Variants in PRR11 observed in about 807,000 individuals in gnomAD.
The protein encoded by PRR11 is proline-rich protein 11.
PRR11 carries 30 observed loss-of-function variants against 45.6 expected under a neutral mutation model. The observed-to-expected ratio is 0.66, with a 90% CI of 0.49 to 0.89. The LOEUF is 0.89. Ranked by LOEUF, PRR11 falls within the 40% of genes least tolerant of loss-of-function variation. PRR11 has a pLI of 0.00. For synonymous variants in PRR11, 128 were observed against 153.5 expected, an observed-to-expected ratio of 0.83 and a Z score of 1.23; for missense variants, 373 against 424.8, an observed-to-expected ratio of 0.88 and a Z score of 1.07.
At chr17:59,178,768 A>T (rs1754788113) in intron 2 of PRR11, among the ~76,000 whole-genome samples, 1 of 152,146 alleles carries the variant, frequency 6.6e-6, no homozygotes, top group African/African-American at 2.4e-5. Flanking sequence ...CAGGATGTAG[A>T]GCTGGCAAAA....
chr17:59,160,927 G>C (rs1302053370), intron 1 of PRR11: 1 of 150,974 alleles, frequency 6.6e-6, no homozygotes, highest in Non-Finnish European at 1.5e-5. Context: ...ATACAGTTGG[G>C]ACTCTCACTG....
Position 59,202,018 on chromosome 17 carries a change from T to G in PRR11, c.*387T>G, listed in dbSNP as rs894902645. ...ACCCAAATCCTTTTTTTTAATGTAG[T>G]AGGGTTTATATAGATATACTAATAT... is the stretch of plus-strand genomic sequence containing the variant. On this transcript the variant is annotated 3_prime_UTR_variant, in exon 10 of 10. Coordinates refer to ENST00000262293, the MANE Select transcript of PRR11 (RefSeq NM_018304.4). 2.2e-5 allele frequency: 5 copies of G among 224,668 alleles called. No homozygotes were observed. Among genetic ancestry groups the G allele is most frequent in the African/African-American group, 1.1e-4 (5 of 44,736 alleles). 13.9% of individuals were successfully genotyped at this position (224,668 alleles called of 1,614,324 possible).
At chr17:59,188,514 C>T (rs2147851323) in intron 4 of PRR11, among the ~76,000 whole-genome samples, 1 of 152,234 alleles carries the variant, frequency 6.6e-6, no homozygotes, top group African/African-American at 2.4e-5. Context: ...TAATTTAATA[C>T]ATTATAATCC....
chr17:59,159,040 G>A (rs562554846), intron 1 of PRR11, among the ~76,000 whole-genome samples: 2 of 152,228 alleles, frequency 1.3e-5, no homozygotes, highest in African/African-American at 2.4e-5. Context: ...GGCTGGTCTC[G>A]AACTCCTGAC....
intron 1 of PRR11, among the ~76,000 whole-genome samples, chr17:59,163,848 C>T (rs748886020): frequency 2.0e-5 from 3 of 152,232 alleles, no homozygotes; most frequent in African/African-American, 4.8e-5. Flanking sequence ...TGATGGATCT[C>T]GACGTCAGGA....
Position 59,180,187 on chromosome 17 carries a change from G to C in PRR11, c.129-4867G>C, listed in dbSNP as rs530688671. Reference sequence around the variant, plus strand: ...GCTTTGTCGCCCAGGCTGGAGTGTAGTAGTGCAATCTCGGCTCACTGCAAT... The same window carrying C: ...GCTTTGTCGCCCAGGCTGGAGTGTACTAGTGCAATCTCGGCTCACTGCAAT... On this transcript the variant is annotated intron_variant, in intron 2 of 9. Transcript: ENST00000262293. Among the ~76,000 whole-genome samples the C allele has an allele frequency of 1.7e-3, 240 of 140,692 alleles. 2 individuals carry two copies. The highest frequency in any genetic ancestry group is 2.8e-3 in the Non-Finnish European group (188 of 66,478). The allele number at this position is 140,692 out of a possible 152,430, so 92.3% of individuals were successfully genotyped here.
chr17:59,184,662 G>A (rs960266297), intron 2 of PRR11, among the ~76,000 whole-genome samples: 1 of 152,090 alleles, frequency 6.6e-6, no homozygotes, highest in Non-Finnish European at 1.5e-5. Flanking sequence ...AACCGCCAGA[G>A]CTGGGTGGGT....
At chr17:59,175,827 G>T (rs1294803650) in intron 2 of PRR11, among the ~76,000 whole-genome samples, 1 of 152,184 alleles carries the variant, frequency 6.6e-6, no homozygotes, top group Admixed American at 6.5e-5. Context: ...AGGATCACTG[G>T]AGTACAGGAT....
chr17:59,173,586 G>A (rs1465573282), intron 2 of PRR11, among the ~76,000 whole-genome samples: 2 of 152,166 alleles, frequency 1.3e-5, no homozygotes, highest in Non-Finnish European at 2.9e-5. Flanking sequence ...ACTGAAGCCA[G>A]CAAGACCACG....
intron 2 of PRR11, among the ~76,000 whole-genome samples, chr17:59,173,253 C>T (rs1199732629): frequency 2.6e-5 from 4 of 151,876 alleles, no homozygotes; most frequent in African/African-American, 9.7e-5. Flanking sequence ...ACAGACCAAT[C>T]GGCTCTCTGT....
chr17:59,165,339 G>GTGTT (rs1307677894), intron 1 of PRR11, among the ~76,000 whole-genome samples: 1 of 151,872 alleles, frequency 6.6e-6, no homozygotes, highest in Non-Finnish European at 1.5e-5. Context: ...GTTTGTTTAT[G>GTGTT]TGTTTGTTTG....
rs531399601 is a variant in PRR11 at position 59,174,631 on chromosome 17, C to T, written c.128+4751C>T. ...TTGTATTTTTATGGAGAGGGGATCT[C>T]GCCATGTTGCCCAGGCTCGAAGCCG... On this transcript the variant is annotated intron_variant, in intron 2 of 9. Coordinates refer to ENST00000262293, the MANE Select transcript of PRR11 (RefSeq NM_018304.4). Among the ~76,000 whole-genome samples the T allele has an allele frequency of 5.9e-5, 9 of 152,224 alleles. No homozygotes were observed. The East Asian group carries it at 1.2e-3, about 20-fold the overall frequency.
chr17:59,201,940 C>A lies in PRR11; in HGVS notation c.*309C>A. ...GAGCCAAGATCGCGTCATTGCACTC[C>A]AGCCTGAGCAACAAGAGCAAAACAA... On this transcript the variant is annotated 3_prime_UTR_variant, in exon 10 of 10. Transcript: ENST00000262293. 3.6e-6 allele frequency: 1 copy of A among 274,684 alleles called. No individual in the cohort carries two copies. The highest frequency in any genetic ancestry group is 7.1e-6 in the Non-Finnish European group (1 of 141,564). The allele number at this position is 274,684 out of a possible 1,614,324, so 17.0% of individuals were successfully genotyped here.
At position 59,169,852 on chromosome 17, in the gene PRR11, C is replaced by A. The variant is rs1227908878; in HGVS notation, c.100C>A (p.Pro34Thr). ...TCACTTTCAGTCCAAGCTAATTACA[C>A]CTCCTCCTCCACCACCCTCACCAGA... The part of the protein sequence containing the change: ...ASHFQSKLIT[P>T]PPPPPSPERV... The change falls in exon 2 of 10, where the codon CCT becomes ACT. Residue 34 changes from proline to threonine, a missense_variant. Pro to Thr is a conservative substitution (Grantham distance 38, BLOSUM62 -1). Transcript: ENST00000262293. The A allele has an allele frequency of 1.9e-6, 3 of 1,609,398 alleles. No homozygotes were observed. Among genetic ancestry groups the A allele is most frequent in the South Asian group, 1.1e-5 (1 of 89,864 alleles).
intron 2 of PRR11, among the ~76,000 whole-genome samples, chr17:59,171,126 G>A (rs1179723647): frequency 2.6e-5 from 4 of 152,296 alleles, no homozygotes; most frequent in South Asian, 2.1e-4. Flanking sequence ...AGCCGGGCGC[G>A]GTGGCAGGCG....
rs755359555 is a variant in PRR11, at chr17:59,185,572, G to A, written c.402+10G>A. On this transcript the variant is annotated intron_variant, in intron 4 of 9. Transcript: ENST00000262293. ...CCAGGAAGCACTGAAGGTTGGTATT[G>A]TCAAATAAAAAGCAAATCTGGAATT... is the stretch of plus-strand genomic sequence containing the variant. 8.2e-6 allele frequency: 13 copies of A among 1,583,338 alleles called. No homozygotes were observed. The highest frequency in any genetic ancestry group is 8.6e-6 in the Non-Finnish European group (10 of 1,168,608).
At chr17:59,181,683 C>A in intron 2 of PRR11, 1 of 1,546,818 alleles carries the variant, frequency 6.5e-7, no homozygotes, top group Non-Finnish European at 8.8e-7. Flanking sequence ...CAGATTGGTC[C>A]GACCACTCCC....
intron 1 of PRR11, among the ~76,000 whole-genome samples, chr17:59,158,407 A>C (rs1224995240): frequency 2.0e-5 from 3 of 152,240 alleles, no homozygotes; most frequent in Non-Finnish European, 4.4e-5. Flanking sequence ...TTTCATAACA[A>C]GGTTAAATTT....
chr17:59,194,787 C>G lies in PRR11; in HGVS notation c.676C>G (p.Gln226Glu). 1 of 1,613,520 alleles carries G rather than the reference C, an allele frequency of 6.2e-7. No individual in the cohort carries two copies. Among genetic ancestry groups the G allele is most frequent in the South Asian group, 1.1e-5 (1 of 91,048 alleles). ...ACCATTAAAAAAAGATGGACCCATGCAGATAACAGTTAAAGATCTGCTGAC... is the reference window on the plus strand; with the variant it reads ...ACCATTAAAAAAAGATGGACCCATGGAGATAACAGTTAAAGATCTGCTGAC... ...AGPLKKDGPM[Q>E]ITVKDLLTVK... is the part of the protein sequence containing the mutation. Residue 226 changes from glutamine (Q) to glutamate (E), a missense_variant, in exon 6 of 10, where the codon CAG becomes GAG. By Grantham distance (29) the Gln-to-Glu change is conservative (BLOSUM62 2). Transcript: ENST00000262293.
Sources: allele counts gnomAD v4.1 joint callset (sites outside exome capture counted in the v4.1 genomes callset), GRCh38; gene constraint gnomAD v4.1.1; transcripts MANE v1.5; gene names NCBI Gene and HGNC (gene_info 2026-07-23, HGNC 2026-07-21).